Variants in ZNF385D observed in about 807,000 individuals in gnomAD.
ZNF385D encodes the protein zinc finger protein 659.
In ZNF385D, 15 loss-of-function variants were observed where a neutral mutation model predicts 35.8. That is an observed-to-expected ratio of 0.42 (90% CI 0.28 to 0.64). The LOEUF (loss-of-function observed/expected upper bound fraction) is 0.64, where lower values mean the gene tolerates loss of function less well. Ranked by LOEUF, ZNF385D falls within the 30% of genes least tolerant of loss-of-function variation. The probability of loss-of-function intolerance (pLI) is 0.23; values close to 1 mark genes in which losing one functional copy is unlikely to be tolerated. For missense variants in ZNF385D, 474 were observed against 494.6 expected (o/e 0.96, Z 0.39); for synonymous variants, 212 against 186.8 (o/e 1.13, Z -1.10).
At chr3:22,367,012 G>A (rs1033027350) in intron 2 of ZNF385D, among the ~76,000 whole-genome samples, 1 of 152,146 alleles carries the variant, frequency 6.6e-6, no homozygotes, top group Non-Finnish European at 1.5e-5. Flanking sequence ...TTTGGCCAGT[G>A]ATACTAATTT....
At chr3:21,924,382 C>T (rs983252899) in intron 3 of ZNF385D, among the ~76,000 whole-genome samples, 9 of 152,132 alleles carry the variant, frequency 5.9e-5, no homozygotes, top group South Asian at 2.1e-4. Flanking sequence ...CCAAAGACAT[C>T]AAAGAGTGCA....
At chr3:21,446,421 A>G (rs543648410) in intron 4 of ZNF385D, among the ~76,000 whole-genome samples, 64 of 152,160 alleles carry the variant, frequency 4.2e-4, no homozygotes, top group South Asian at 8.3e-4. Flanking sequence ...TAGTTACTCT[A>G]AAAGAGAACC....
At position 21,419,818 on chromosome 3, in the gene ZNF385D, T is replaced by C. The variant is rs1190600903; in HGVS notation, c.*1396A>G. 1 of 151,956 alleles carries C rather than the reference T, an allele frequency of 6.6e-6. No homozygotes were observed. The highest frequency in any genetic ancestry group is 6.5e-5 in the Admixed American group (1 of 15,272). 9.4% of individuals were successfully genotyped at this position (151,956 alleles called of 1,614,324 possible). A position where few individuals can be genotyped will look rare whatever the true frequency, so the allele number is the denominator to read the frequency against. On this transcript the variant is annotated 3_prime_UTR_variant, in exon 8 of 8. Transcript: ENST00000281523. ...AATTATTTTATATAGATTTTTTCTT[T>C]TTATAACTTATTCTCTTAATCTTTC...
At chr3:21,693,713 G>A (rs966435166) in intron 1 of ZNF385D, among the ~76,000 whole-genome samples, 3 of 151,952 alleles carry the variant, frequency 2.0e-5, no homozygotes, top group Non-Finnish European at 1.5e-5. Context: ...ATTTTTAAAG[G>A]TTTTTAAACG....
chr3:22,122,501 C>T (rs183682613), intron 3 of ZNF385D, among the ~76,000 whole-genome samples: 32 of 152,104 alleles, frequency 2.1e-4, no homozygotes, highest in Admixed American at 3.3e-4. Flanking sequence ...ATATTGAGCA[C>T]TAAATATATG....
At chr3:21,832,145 T>C (rs1695034820) in intron 3 of ZNF385D, among the ~76,000 whole-genome samples, 1 of 152,194 alleles carries the variant, frequency 6.6e-6, no homozygotes, top group African/African-American at 2.4e-5. Context: ...TTTTTATTTG[T>C]AACAAATTTT....
intron 1 of ZNF385D, among the ~76,000 whole-genome samples, chr3:21,699,021 A>C (rs2067572923): frequency 6.6e-6 from 1 of 152,204 alleles, no homozygotes; most frequent in African/African-American, 2.4e-5. Context: ...TCATTCTACT[A>C]TAAAGACACA....
At chr3:21,679,015 C>A (rs909092361) in intron 1 of ZNF385D, among the ~76,000 whole-genome samples, 1 of 150,748 alleles carries the variant, frequency 6.6e-6, no homozygotes. Flanking sequence ...CACCCCCCAA[C>A]CCCATCCACT....
At chr3:21,703,384 G>A (rs1212697766) in intron 1 of ZNF385D, among the ~76,000 whole-genome samples, 1 of 152,050 alleles carries the variant, frequency 6.6e-6, no homozygotes, top group African/African-American at 2.4e-5. Context: ...TGGGAATTCT[G>A]GGAGATAGAA....
chr3:22,236,063 A>G (rs1699166213), intron 2 of ZNF385D, among the ~76,000 whole-genome samples: 1 of 152,126 alleles, frequency 6.6e-6, no homozygotes, highest in Admixed American at 6.6e-5. Context: ...TGGGGAAAAA[A>G]AGGAACCTGA....
chr3:22,166,052 C>A (rs1042399993), intron 3 of ZNF385D, among the ~76,000 whole-genome samples: 1 of 152,166 alleles, frequency 6.6e-6, no homozygotes, highest in South Asian at 2.1e-4. Context: ...CAAGACTTGG[C>A]CCTGATCCTA....
chr3:22,216,907 T>C (rs964445974), intron 2 of ZNF385D, among the ~76,000 whole-genome samples: 2 of 152,112 alleles, frequency 1.3e-5, no homozygotes, highest in African/African-American at 2.4e-5. Flanking sequence ...TTGAAAGTCA[T>C]ATGATGAAGA....
chr3:21,717,653 G>A (rs910004705), intron 1 of ZNF385D, among the ~76,000 whole-genome samples: 3 of 152,142 alleles, frequency 2.0e-5, no homozygotes, highest in African/African-American at 7.2e-5. Flanking sequence ...AATCAGGGGG[G>A]CGGTTTCCCC....
At chr3:21,949,797 A>C (rs1701975474) in intron 3 of ZNF385D, among the ~76,000 whole-genome samples, 1 of 151,974 alleles carries the variant, frequency 6.6e-6, no homozygotes, top group Non-Finnish European at 1.5e-5. Context: ...GTGAGTGAGA[A>C]CAGGCAGTAT....
intron 3 of ZNF385D, among the ~76,000 whole-genome samples, chr3:22,009,396 G>C (rs1051305703): frequency 2.6e-5 from 4 of 152,062 alleles, no homozygotes; most frequent in African/African-American, 9.7e-5. Flanking sequence ...GGCCAAGTCA[G>C]GCAGATCAAG....
At chr3:21,707,238 T>C (rs1048914087) in intron 1 of ZNF385D, among the ~76,000 whole-genome samples, 5 of 152,246 alleles carry the variant, frequency 3.3e-5, no homozygotes, top group Admixed American at 6.5e-5. Flanking sequence ...AATCACATCA[T>C]CTTTATTAAA....
At chr3:21,668,813 G>C (rs537582664) in intron 1 of ZNF385D, among the ~76,000 whole-genome samples, 1 of 152,200 alleles carries the variant, frequency 6.6e-6, no homozygotes, top group Non-Finnish European at 1.5e-5. Context: ...TTCTCTTTGA[G>C]AAAATAGCTA....
chr3:21,782,145 T>G (rs555208318), intron 3 of ZNF385D, among the ~76,000 whole-genome samples: 1 of 152,130 alleles, frequency 6.6e-6, no homozygotes, highest in Non-Finnish European at 1.5e-5. Flanking sequence ...CAATGCTGCA[T>G]TGCTTTTCAT....
intron 5 of ZNF385D, among the ~76,000 whole-genome samples, chr3:21,431,860 C>G (rs1701305730): frequency 1.3e-5 from 2 of 152,104 alleles, no homozygotes; most frequent in African/African-American, 2.4e-5. Context: ...CTTAAATGAG[C>G]TTTTCACATG....
Sources: allele counts gnomAD v4.1 joint callset (sites outside exome capture counted in the v4.1 genomes callset), GRCh38; gene constraint gnomAD v4.1.1; transcripts MANE v1.5; gene names NCBI Gene and HGNC (gene_info 2026-07-23, HGNC 2026-07-21).